Variants in TENM3 observed in about 807,000 individuals in gnomAD.
TENM3 encodes the protein teneurin transmembrane protein 3.
A neutral mutation model predicts 255.1 loss-of-function variants in TENM3; 63 were observed. That is an observed-to-expected ratio of 0.25 (90% confidence interval 0.20 to 0.30). The LOEUF (loss-of-function observed/expected upper bound fraction) is 0.30, where lower values mean the gene tolerates loss of function less well. Ranked by LOEUF, TENM3 falls within the 10% of genes least tolerant of loss-of-function variation. The pLI is 1.00. For missense variants in TENM3, 2,929 were observed against 3,461.1 expected (o/e 0.85, Z 3.86); for synonymous variants, 1,306 against 1,322.3 (o/e 0.99, Z 0.27).
At chr4:182,666,863 G>A (rs1231553748) in intron 6 of TENM3, among the ~76,000 whole-genome samples, 1 of 151,872 alleles carries the variant, frequency 6.6e-6, no homozygotes, top group African/African-American at 2.4e-5. Context: ...TTGGGCCACT[G>A]CACTCCAGCC....
chr4:181,519,260 T>G, the TENM3 span, among the ~76,000 whole-genome samples: 1 of 152,124 alleles, frequency 6.6e-6, no homozygotes, highest in Non-Finnish European at 1.5e-5. Context: ...GAGGCAGAGA[T>G]CGTGTGGTGC....
the TENM3 span, among the ~76,000 whole-genome samples, chr4:181,936,480 A>T: frequency 6.6e-6 from 1 of 152,104 alleles, no homozygotes; most frequent in Admixed American, 6.6e-5. Flanking sequence ...ATTGTGAGTC[A>T]TCTCTTTCGC....
At chr4:181,839,418 TATATAC>T in the TENM3 span, among the ~76,000 whole-genome samples, 1 of 144,960 alleles carries the variant, frequency 6.9e-6, no homozygotes, top group Non-Finnish European at 1.5e-5. Flanking sequence ...CATGTATGCC[TATATAC>T]ATATACATAT....
the TENM3 span, among the ~76,000 whole-genome samples, chr4:181,683,689 AGAGGCGAAGAGGGTATGGAT>A: frequency 6.6e-6 from 1 of 152,180 alleles, no homozygotes; most frequent in Non-Finnish European, 1.5e-5. Flanking sequence ...ATGGTCTAGG[AGAGGCGAAGAGGGTATGGAT>A]GATCCCAAAC....
intron 12 of TENM3, among the ~76,000 whole-genome samples, chr4:182,700,775 T>C (rs559092073): frequency 1.3e-5 from 2 of 152,316 alleles, no homozygotes; most frequent in South Asian, 4.1e-4. Flanking sequence ...ATCTACTACA[T>C]CTAAATGTGA....
the TENM3 span, among the ~76,000 whole-genome samples, chr4:181,462,200 C>G: frequency 6.6e-6 from 1 of 152,134 alleles, no homozygotes; most frequent in Non-Finnish European, 1.5e-5. Context: ...AGAACAGAAG[C>G]TCTTAGGAAC....
the TENM3 span, among the ~76,000 whole-genome samples, chr4:181,986,600 GT>G: frequency 1.3e-5 from 2 of 152,110 alleles, no homozygotes; most frequent in South Asian, 4.2e-4. Context: ...TACCTATAGC[GT>G]TGTGGGATGT....
intron 1 of TENM3, among the ~76,000 whole-genome samples, chr4:182,180,366 G>A (rs1752764857): frequency 6.6e-6 from 1 of 152,042 alleles, no homozygotes; most frequent in Admixed American, 6.6e-5. Flanking sequence ...TTAATATGAT[G>A]TTTATCTGCT....
chr4:182,227,002 G>A (rs1485249495), intron 1 of TENM3, among the ~76,000 whole-genome samples: 1 of 152,150 alleles, frequency 6.6e-6, no homozygotes, highest in Non-Finnish European at 1.5e-5. Flanking sequence ...AAAGCTGTCT[G>A]TCTTAACTCA....
At chr4:181,553,260 AGTGT>A in the TENM3 span, among the ~76,000 whole-genome samples, 32,822 of 133,226 alleles carry the variant, frequency 0.25, 4,122 homozygotes, top group Non-Finnish European at 0.29. Flanking sequence ...ATAGTCATTA[AGTGT>A]GTGTGTGTGT....
chr4:181,821,996 A>G, the TENM3 span, among the ~76,000 whole-genome samples: 2 of 152,222 alleles, frequency 1.3e-5, no homozygotes, highest in South Asian at 2.1e-4. Context: ...CAATTATTCT[A>G]TACATTGCAT....
At chr4:181,855,235 A>G in the TENM3 span, among the ~76,000 whole-genome samples, 1 of 152,196 alleles carries the variant, frequency 6.6e-6, no homozygotes, top group African/African-American at 2.4e-5. Context: ...TGTTTTGGAT[A>G]AAGTTTGGTA....
chr4:182,552,367 C>T (rs370303016), intron 3 of TENM3, among the ~76,000 whole-genome samples: 2 of 152,312 alleles, frequency 1.3e-5, no homozygotes, highest in Middle Eastern at 3.4e-3. Flanking sequence ...ATTAATTCTT[C>T]ATTTACTGAA....
At chr4:182,540,863 AGGAGGATCAG>A (rs910099950) in intron 3 of TENM3, among the ~76,000 whole-genome samples, 1 of 152,218 alleles carries the variant, frequency 6.6e-6, no homozygotes, top group African/African-American at 2.4e-5. Flanking sequence ...TAACCTAGTT[AGGAGGATCAG>A]GGAGGATTTC....
chr4:182,242,625 G>A (rs542356778), upstream of TENM3, among the ~76,000 whole-genome samples: 9 of 152,256 alleles, frequency 5.9e-5, no homozygotes, highest in Admixed American at 5.2e-4. Context: ...ACCCGATGTG[G>A]TGGCACTTGC....
chr4:182,166,000 G>T (rs576969245), intron 1 of TENM3, among the ~76,000 whole-genome samples: 2 of 152,118 alleles, frequency 1.3e-5, no homozygotes, highest in South Asian at 4.2e-4. Context: ...GGATGGTCTC[G>T]ATCTCCTGAC....
the TENM3 span, among the ~76,000 whole-genome samples, chr4:181,516,507 G>C: frequency 6.6e-6 from 1 of 151,996 alleles, no homozygotes; most frequent in Non-Finnish European, 1.5e-5. Flanking sequence ...ATGGGTGGGC[G>C]CGGTGGCTCA....
At chr4:181,838,490 T>C in the TENM3 span, among the ~76,000 whole-genome samples, 1 of 152,220 alleles carries the variant, frequency 6.6e-6, no homozygotes, top group Non-Finnish European at 1.5e-5. Context: ...ATAGCTAGTA[T>C]AGAATAGGAG....
chr4:181,483,422 C>T, the TENM3 span, among the ~76,000 whole-genome samples: 1 of 152,020 alleles, frequency 6.6e-6, no homozygotes, highest in Non-Finnish European at 1.5e-5. Flanking sequence ...TGGATTAAAT[C>T]CGTAGCTTTA....
Sources: gnomAD v4.1 joint callset for allele counts (sites outside exome capture counted in the v4.1 genomes callset) on GRCh38, gnomAD v4.1.1 for gene constraint, MANE v1.5 for transcripts, NCBI Gene and HGNC (gene_info 2026-07-23, HGNC 2026-07-21) for gene names.